Variants in LRRC4C observed in about 807,000 individuals in gnomAD.
The protein encoded by LRRC4C is leucine rich repeat containing 4C, also known as leucine-rich repeat-containing protein 4C.
In LRRC4C, 5 loss-of-function variants were observed where a neutral mutation model predicts 33.6. That is an observed-to-expected ratio of 0.15 (90% confidence interval 0.08 to 0.31). The LOEUF (loss-of-function observed/expected upper bound fraction) is 0.31. Ranked by LOEUF, LRRC4C falls within the 10% of genes least tolerant of loss-of-function variation. The pLI, the probability that LRRC4C is intolerant of heterozygous loss-of-function variation, is 1.00. For synonymous variants in LRRC4C, 329 were observed against 302.0 expected (o/e 1.09, Z -0.93); for missense variants, 560 against 796.7 (o/e 0.70, Z 3.58).
intron 1 of LRRC4C, among the ~76,000 whole-genome samples, chr11:40,987,798 CACTT>C (rs1407944901): frequency 6.6e-6 from 1 of 151,474 alleles, no homozygotes; most frequent in Non-Finnish European, 1.5e-5. Context: ...TTCTGCTCCT[CACTT>C]ACCACCCCAT....
intron 1 of LRRC4C, among the ~76,000 whole-genome samples, chr11:40,996,292 G>T (rs75031164): frequency 6.6e-6 from 1 of 151,976 alleles, no homozygotes; most frequent in East Asian, 1.9e-4. Flanking sequence ...CTCTGCTCTT[G>T]TCCCAGGCAT....
chr11:40,834,911 GACACACACAC>G (rs10682975), intron 2 of LRRC4C, among the ~76,000 whole-genome samples: 2 of 84,826 alleles, frequency 2.4e-5, no homozygotes, highest in African/African-American at 3.5e-5. Flanking sequence ...CAGACAGACA[GACACACACAC>G]ACACACACAC....
Position 40,198,085 on chromosome 11 carries a change from G to A in LRRC4C, c.-96+43434C>T, listed in dbSNP as rs138948943. Reference sequence around the variant, plus strand: ...AGCAGATATGGCAGCAGTGGAGATGGGGTGAGAGCCAGGAAGGGATTTTAG... The same window carrying A: ...AGCAGATATGGCAGCAGTGGAGATGAGGTGAGAGCCAGGAAGGGATTTTAG... On this transcript the variant is annotated intron_variant, in intron 5 of 6. Transcript: ENST00000528697. Among the ~76,000 whole-genome samples the A allele has an allele frequency of 2.3e-3, 347 of 152,222 alleles. 3 individuals carry two copies. Among genetic ancestry groups the A allele is most frequent in the African/African-American group, 8.0e-3 (334 of 41,520 alleles).
At chr11:41,194,522 G>A (rs559398195) in intron 1 of LRRC4C, among the ~76,000 whole-genome samples, 3 of 152,234 alleles carry the variant, frequency 2.0e-5, no homozygotes, top group South Asian at 4.1e-4. Flanking sequence ...ATTTTGCCAG[G>A]AGATTATTTC....
intron 5 of LRRC4C, among the ~76,000 whole-genome samples, chr11:40,216,957 A>G (rs1182267835): frequency 6.6e-6 from 1 of 152,166 alleles, no homozygotes; most frequent in Admixed American, 6.6e-5. Flanking sequence ...TGAGGAAGGA[A>G]GTCATTAGGC....
intron 2 of LRRC4C, among the ~76,000 whole-genome samples, chr11:40,736,211 T>A (rs1947858364): frequency 6.6e-6 from 1 of 151,936 alleles, no homozygotes; most frequent in South Asian, 2.1e-4. Context: ...CCCCTCCCTG[T>A]GTCCATGTGT....
At chr11:40,444,647 A>G (rs1050079526) in intron 3 of LRRC4C, among the ~76,000 whole-genome samples, 21 of 152,306 alleles carry the variant, frequency 1.4e-4, no homozygotes, top group South Asian at 2.1e-4. Context: ...TCAGTGATCA[A>G]TAAGATGGCC....
chr11:40,274,228 G>A (rs1389960815), intron 4 of LRRC4C, among the ~76,000 whole-genome samples: 1 of 151,984 alleles, frequency 6.6e-6, no homozygotes, highest in Non-Finnish European at 1.5e-5. Context: ...TCTAGTGTGG[G>A]AAGTCAAAGG....
At chr11:40,371,474 A>T (rs1948445512) in intron 3 of LRRC4C, among the ~76,000 whole-genome samples, 1 of 152,166 alleles carries the variant, frequency 6.6e-6, no homozygotes, top group African/African-American at 2.4e-5. Flanking sequence ...CTTTACTACA[A>T]CTTCACAAAT....
chr11:40,707,837 TCCTGGACTTTTTTTTGGTTGGTAA>T lies in LRRC4C; in HGVS notation c.-406-59583_-406-59560del, dbSNP rs1384876579. ...ATAATTCGGCTGTGAATCCATCTGG[TCCTGGACTTTTTTTTGGTTGGTAA>T]CCTATTAATTATTGCCTCAATTTCA... On this transcript the variant is annotated intron_variant, in intron 2 of 6. Transcript: ENST00000528697. Among the ~76,000 whole-genome samples, 3 of 152,176 alleles carry T rather than the reference TCCTGGACTTTTTTTTGGTTGGTAA, an allele frequency of 2.0e-5. No homozygotes were observed. The East Asian group carries it at 5.8e-4, about 29-fold the overall frequency.
chr11:40,403,424 A>G (rs1259749825), intron 3 of LRRC4C, among the ~76,000 whole-genome samples: 2 of 152,152 alleles, frequency 1.3e-5, no homozygotes, highest in Non-Finnish European at 2.9e-5. Context: ...CAAAATGCAA[A>G]GAACACATTT....
intron 1 of LRRC4C, among the ~76,000 whole-genome samples, chr11:41,204,786 T>C (rs180972544): frequency 8.5e-5 from 13 of 152,322 alleles, no homozygotes; most frequent in Admixed American, 8.5e-4. Context: ...CTATGGAATA[T>C]AATGATGTAA....
At chr11:40,588,987 T>C (rs900447553) in intron 3 of LRRC4C, among the ~76,000 whole-genome samples, 56 of 152,228 alleles carry the variant, frequency 3.7e-4, no homozygotes, top group Non-Finnish European at 4.9e-4. Context: ...TAGATGTCTA[T>C]TAGGTCTGCT....
intron 5 of LRRC4C, among the ~76,000 whole-genome samples, chr11:40,191,991 T>C (rs1861878472): frequency 6.6e-6 from 1 of 151,958 alleles, no homozygotes; most frequent in Admixed American, 6.6e-5. Flanking sequence ...TCTATAATTG[T>C]TATATATATA....
intron 1 of LRRC4C, among the ~76,000 whole-genome samples, chr11:40,942,503 T>C (rs963078856): frequency 9.9e-5 from 15 of 152,130 alleles, no homozygotes; most frequent in African/African-American, 3.6e-4. Context: ...CATGAACTAA[T>C]GTAGAAATAC....
chr11:41,205,827 G>C (rs1946579204), intron 1 of LRRC4C, among the ~76,000 whole-genome samples: 1 of 152,070 alleles, frequency 6.6e-6, no homozygotes, highest in Non-Finnish European at 1.5e-5. Flanking sequence ...TTTTACAGAT[G>C]AGTAATCTGA....
intron 1 of LRRC4C, among the ~76,000 whole-genome samples, chr11:40,935,673 T>C (rs1957847629): frequency 6.6e-6 from 1 of 152,054 alleles, no homozygotes; most frequent in South Asian, 2.1e-4. Context: ...CAATATGATG[T>C]TCTTACAAGA....
At chr11:40,388,028 C>T (rs916244986) in intron 3 of LRRC4C, among the ~76,000 whole-genome samples, 8 of 152,056 alleles carry the variant, frequency 5.3e-5, no homozygotes, top group African/African-American at 1.7e-4. Context: ...TTTTTATCCC[C>T]TAATAAACCT....
intron 1 of LRRC4C, among the ~76,000 whole-genome samples, chr11:41,403,998 T>A (rs1954123330): frequency 6.6e-6 from 1 of 152,010 alleles, no homozygotes; most frequent in African/African-American, 2.4e-5. Flanking sequence ...GCAGTAGAAA[T>A]AATAGATTCC....
Sources: allele counts gnomAD v4.1 joint callset (sites outside exome capture counted in the v4.1 genomes callset), GRCh38; gene constraint gnomAD v4.1.1; transcripts MANE v1.5; gene names NCBI Gene and HGNC (gene_info 2026-07-23, HGNC 2026-07-21).